The following GUSB variants were observed in gnomAD, a reference collection of about 807,000 sequenced individuals.
GUSB encodes the protein beta-glucuronidase.
In GUSB, 51 loss-of-function variants were observed where a neutral mutation model predicts 74.6. That is an observed-to-expected ratio of 0.68 (90% CI 0.55 to 0.86). The LOEUF (loss-of-function observed/expected upper bound fraction) is 0.86, where lower values mean the gene tolerates loss of function less well. GUSB is among the 40% of genes least tolerant of loss of function. The probability of loss-of-function intolerance (pLI) is 0.00; values close to 1 mark genes in which losing one functional copy is unlikely to be tolerated. For missense variants in GUSB, 736 were observed against 853.7 expected (o/e 0.86, Z 1.72); for synonymous variants, 360 against 348.3 (o/e 1.03, Z -0.37).
intron 11 of GUSB, among the ~76,000 whole-genome samples, chr7:65,963,382 T>C (rs978432090): frequency 2.0e-5 from 3 of 152,172 alleles, no homozygotes; most frequent in African/African-American, 2.4e-5. Flanking sequence ...CTGTAAGTAA[T>C]GTATTATAAT....
intron 8 of GUSB, among the ~76,000 whole-genome samples, chr7:65,970,886 C>A (rs901070488): frequency 1.1e-4 from 16 of 151,602 alleles, no homozygotes; most frequent in African/African-American, 3.4e-4. Flanking sequence ...AAGACCCTGT[C>A]TCAAAACAAA....
At chr7:65,975,731 G>C in intron 5 of GUSB, 1 of 333,386 alleles carries the variant, frequency 3.0e-6, no homozygotes, top group Non-Finnish European at 5.5e-6. Flanking sequence ...TGTGCCTGTA[G>C]TCCCAGCTAC....
chr7:65,979,937 G>A, intron 2 of GUSB, 26 bp from the exon 3 acceptor site: 1 of 1,556,132 alleles, frequency 6.4e-7, no homozygotes, highest in Non-Finnish European at 8.7e-7. Context: ...ATACGGGGAG[G>A]GGGCTGCAGG....
chr7:65,981,826 A>G lies in GUSB; in HGVS notation c.210+148T>C, dbSNP rs1015508766. 6 of 679,624 alleles carry G rather than the reference A, an allele frequency of 8.8e-6. No individual in the cohort carries two copies. The African/African-American group carries it at 1.1e-4, about 13-fold the overall frequency. The allele number at this position is 679,624 out of a possible 1,614,324, so 42.1% of individuals were successfully genotyped here. ...GGTGCTCCTGTTCCCCCGTCCCCCA[A>G]GCCGGCGCCCCCAAGCCCGTTGACC... On this transcript the variant is annotated intron_variant, in intron 1 of 11. Coordinates refer to ENST00000304895, the MANE Select transcript of GUSB (RefSeq NM_000181.4).
chr7:65,977,281 A>G (rs1285272489), intron 4 of GUSB, among the ~76,000 whole-genome samples: 1 of 151,944 alleles, frequency 6.6e-6, no homozygotes, highest in Non-Finnish European at 1.5e-5. Flanking sequence ...GGTTCAAACA[A>G]TTCTCCCATC....
intron 6 of GUSB, 85 bp downstream of exon 6, chr7:65,974,834 T>C (rs1047738535): frequency 3.2e-6 from 5 of 1,552,980 alleles, no homozygotes; most frequent in Non-Finnish European, 4.4e-6. Flanking sequence ...TGCCCTGAGC[T>C]GCCCTCAACT....
rs1235958649 is a variant in GUSB, at chr7:65,974,366, G to C, written c.1320C>G (p.His440Gln). Residue 440 changes from histidine to glutamine, a missense_variant, in exon 8 of 12, where the codon CAC becomes CAG. Transcript: ENST00000304895. Reference sequence around the variant, plus strand: ...CCACAGACCACATCACGACCGCGGGGTGGTTCTTGTCCCTACGCACCACTT... The same window carrying C: ...CCACAGACCACATCACGACCGCGGGCTGGTTCTTGTCCCTACGCACCACTT... The part of the protein sequence containing the change: ...MEEVVRRDKN[H>Q]PAVVMWSVAN... 1 of 1,614,164 alleles carries C rather than the reference G, an allele frequency of 6.2e-7. No individual in the cohort carries two copies. Among genetic ancestry groups the C allele is most frequent in the East Asian group, 2.2e-5 (1 of 44,868 alleles).
Position 65,979,877 on chromosome 7 carries a change from C to G in GUSB, c.431G>C (p.Gly144Ala). The G allele has an allele frequency of 6.2e-7, 1 of 1,611,484 alleles. No individual in the cohort carries two copies. Among genetic ancestry groups the G allele is most frequent in the Non-Finnish European group, 8.5e-7 (1 of 1,179,386 alleles). The stretch of plus-strand genomic sequence containing the variant: ...GTCGGCCTCGAAGGGGAGGTAGCCC[C>G]CCTCATGCTCTAGCGTGTCGACCCC... ...VNGVDTLEHE[G>A]GYLPFEADIS... is the part of the protein sequence containing the mutation. Residue 144 changes from glycine to alanine, a missense_variant, in exon 3 of 12, where the codon GGG (glycine) becomes GCG (alanine). Gly to Ala is a moderately conservative substitution (Grantham distance 60). This residue lies in a region of GUSB where 368 missense variants were observed against 363.8 expected (regional missense o/e 1.01). Transcript: ENST00000304895.
rs770650835 is a variant in GUSB, at chr7:65,974,671, C to T, written c.1099G>A (p.Val367Met). ...CAGCGAAGCAGGTTGAAGTCCTTCA[C>T]CAGCAGCGGCCAGTCGAAGCCCTTC... ...RGKGFDWPLL[V>M]KDFNLLRWLG... The change falls in exon 7 of 12, where the codon GTG becomes ATG. Residue 367 changes from valine to methionine, a missense_variant. This residue lies in a region of GUSB where 368 missense variants were observed against 489.9 expected (regional missense o/e 0.75). Coordinates refer to ENST00000304895, the MANE Select transcript of GUSB (RefSeq NM_000181.4). 3.7e-6 allele frequency: 6 copies of T among 1,613,520 alleles called. No homozygotes were observed. Among genetic ancestry groups the T allele is most frequent in the Non-Finnish European group, 5.1e-6 (6 of 1,180,030 alleles).
At chr7:65,972,466 G>A (rs1791279929) in intron 8 of GUSB, among the ~76,000 whole-genome samples, 1 of 152,158 alleles carries the variant, frequency 6.6e-6, no homozygotes, top group Non-Finnish European at 1.5e-5. Context: ...ACCCAGCCTA[G>A]ACTGTTGTTG....
At position 65,980,377 on chromosome 7, in the gene GUSB, G is replaced by A; in HGVS notation, c.243C>T (p.Ser81=). 1.2e-6 allele frequency: 2 copies of A among 1,613,846 alleles called. No individual in the cohort carries two copies. The highest frequency in any genetic ancestry group is 1.7e-6 in the Non-Finnish European group (2 of 1,179,902). The change falls in exon 2 of 12, where the codon TCC becomes TCT. Residue 81 remains serine, a synonymous_variant. Coordinates refer to ENST00000304895, the MANE Select transcript of GUSB (RefSeq NM_000181.4). ...AGTCCTGGCTGATGTCATTGAAGCTGGAGGGAACTGGCATGTCCACGGTGG... is the reference window on the plus strand; with the variant it reads ...AGTCCTGGCTGATGTCATTGAAGCTAGAGGGAACTGGCATGTCCACGGTGG... ...SGPTVDMPVP[S]SFNDISQDWR...
Position 65,974,349 on chromosome 7 carries a change from C to T in GUSB, c.1337G>A (p.Trp446Ter), listed in dbSNP as rs1434169374. 4.3e-6 allele frequency: 7 copies of T among 1,614,040 alleles called. No individual in the cohort carries two copies. Among genetic ancestry groups the T allele is most frequent in the Middle Eastern group, 1.6e-4 (1 of 6,084 alleles). The change falls in exon 8 of 12, where the codon TGG (tryptophan) becomes TAG (stop). Residue 446 changes from tryptophan to a stop codon, truncating the protein, a stop_gained. Coordinates refer to ENST00000304895, the MANE Select transcript of GUSB (RefSeq NM_000181.4). LOFTEE classifies it high-confidence loss of function. ...RDKNHPAVVM[W>*]SVANEPASHL... ...GGACGCAGGCTCGTTGGCCACAGAC[C>T]ACATCACGACCGCGGGGTGGTTCTT...
intron 11 of GUSB, chr7:65,964,079 T>C: frequency 3.8e-6 from 2 of 522,752 alleles, no homozygotes; most frequent in Non-Finnish European, 7.0e-6. Flanking sequence ...CCATTTCCGA[T>C]TCACTATAGC....
In GUSB at chr7:65,960,790, A is replaced by G; in HGVS notation, c.*107T>C. The G allele has an allele frequency of 2.2e-6, 2 of 912,542 alleles. No homozygotes were observed. Among genetic ancestry groups the G allele is most frequent in the Non-Finnish European group, 3.7e-6 (2 of 542,932 alleles). 56.5% of individuals were successfully genotyped at this position (912,542 alleles called of 1,614,324 possible). On this transcript the variant is annotated 3_prime_UTR_variant, in exon 12 of 12. Transcript: ENST00000304895. ...AATAGATGACCACAAAACCCAGGCCAGAAACGTTCTGGTCTGCCGTGAACA... is the reference window on the plus strand; with the variant it reads ...AATAGATGACCACAAAACCCAGGCCGGAAACGTTCTGGTCTGCCGTGAACA...
intron 8 of GUSB, among the ~76,000 whole-genome samples, chr7:65,972,952 A>C (rs1259871348): frequency 6.6e-6 from 1 of 152,208 alleles, no homozygotes; most frequent in Non-Finnish European, 1.5e-5. Context: ...TGTATGAGTC[A>C]AGAGGCATTT....
chr7:65,974,629 A>G lies in GUSB; in HGVS notation c.1141T>C (p.Phe381Leu). Residue 381 changes from phenylalanine (F) to leucine (L), a missense_variant, in exon 7 of 12, where the codon TTC (phenylalanine) becomes CTC (leucine). Transcript: ENST00000304895. The part of the protein sequence containing the change: ...NLLRWLGANA[F>L]RTSHYPYAEE... ...GCATAGGGGTAGTGGCTGGTACGGA[A>G]AGCGTTGGCACCAAGCCAGCGAAGC... 1 of 1,614,034 alleles carries G rather than the reference A, an allele frequency of 6.2e-7. No homozygotes were observed. Among genetic ancestry groups the G allele is most frequent in the Non-Finnish European group, 8.5e-7 (1 of 1,180,010 alleles).
chr7:65,973,721 C>T (rs1258876411), intron 8 of GUSB, among the ~76,000 whole-genome samples: 3 of 152,090 alleles, frequency 2.0e-5, no homozygotes, highest in Non-Finnish European at 2.9e-5. Flanking sequence ...CATGCCCCTG[C>T]ACTCCATCCT....
chr7:65,965,321 T>C (rs946656682), intron 10 of GUSB, among the ~76,000 whole-genome samples: 7 of 151,698 alleles, frequency 4.6e-5, no homozygotes, highest in African/African-American at 7.3e-5. Context: ...GGAGGATCGC[T>C]TGAGCCCAGG....
intron 11 of GUSB, 180 bp downstream of exon 11, chr7:65,964,143 T>C (rs1790677680): frequency 7.3e-6 from 5 of 684,954 alleles, no homozygotes; most frequent in South Asian, 4.9e-5. Context: ...CCTGATTGCT[T>C]TCCTACTTCC....
Sources: allele counts gnomAD v4.1 joint callset (sites outside exome capture counted in the v4.1 genomes callset), GRCh38; gene constraint gnomAD v4.1.1; regional missense constraint gnomAD v4.1.1; transcripts MANE v1.5; gene names NCBI Gene and HGNC (gene_info 2026-07-23, HGNC 2026-07-21).